The following OLFM3 variants were observed in gnomAD, a reference collection of about 807,000 sequenced individuals.
OLFM3 encodes noelin-3.
OLFM3 carries 20 observed loss-of-function variants against 48.6 expected under a neutral mutation model. The observed-to-expected ratio is 0.41, with a 90% CI of 0.29 to 0.60. The LOEUF is 0.60. Among genes scored for constraint, OLFM3 ranks in the 20% least tolerant of loss-of-function variants. The pLI, the probability that OLFM3 is intolerant of heterozygous loss-of-function variation, is 0.28. For synonymous variants in OLFM3, 222 were observed against 198.1 expected, an observed-to-expected ratio of 1.12 and a Z score of -1.01; for missense variants, 437 against 544.3, an observed-to-expected ratio of 0.80 and a Z score of 1.96.
At position 101,928,585 on chromosome 1, in the gene OLFM3, A is replaced by T. The variant is rs543992283; in HGVS notation, c.69+68163T>A. Reference sequence around the variant, plus strand: ...TTGAGAAAACTCATTAAGTCTTAGAATTTCACTCATTCCTGGTGAACAAAA... The same window carrying T: ...TTGAGAAAACTCATTAAGTCTTAGATTTTCACTCATTCCTGGTGAACAAAA... On this transcript the variant is annotated intron_variant, in intron 1 of 5. Coordinates refer to ENST00000370103, the MANE Select transcript of OLFM3 (RefSeq NM_058170.4). 8.1e-4 allele frequency among the ~76,000 whole-genome samples: 124 copies of T among 152,216 alleles called. 1 individual carries two copies. The highest frequency in any genetic ancestry group is 3.5e-3 in the South Asian group (17 of 4,820).
intron 1 of OLFM3, among the ~76,000 whole-genome samples, chr1:101,838,474 C>T (rs1466553541): frequency 1.3e-5 from 2 of 152,142 alleles, no homozygotes; most frequent in African/African-American, 4.8e-5. Context: ...CATCAATAGA[C>T]TTCCAAATAA....
At chr1:101,869,407 G>A (rs1019534045) in intron 1 of OLFM3, among the ~76,000 whole-genome samples, 2 of 152,128 alleles carry the variant, frequency 1.3e-5, no homozygotes, top group Non-Finnish European at 2.9e-5. Flanking sequence ...TTTGGAATGA[G>A]AGTATTTACC....
intron 4 of OLFM3, among the ~76,000 whole-genome samples, chr1:101,817,132 A>T (rs1016883758): frequency 2.0e-5 from 3 of 152,100 alleles, no homozygotes; most frequent in African/African-American, 7.2e-5. Flanking sequence ...GCTTCCTCAC[A>T]CTAGCCTTTG....
At chr1:101,808,122 A>G (rs1354170248) in intron 4 of OLFM3, among the ~76,000 whole-genome samples, 1 of 106,078 alleles carries the variant, frequency 9.4e-6, no homozygotes, top group African/African-American at 3.4e-5. Context: ...TTTTCCCCTA[A>G]AAACGTCATA....
At chr1:101,979,629 G>A (rs1661050428) in intron 1 of OLFM3, among the ~76,000 whole-genome samples, 2 of 152,202 alleles carry the variant, frequency 1.3e-5, no homozygotes, top group African/African-American at 4.8e-5. Context: ...GTATGGAAAT[G>A]CCTGGATGTC....
intron 1 of OLFM3, among the ~76,000 whole-genome samples, chr1:101,933,552 C>T (rs142767120): frequency 5.9e-5 from 9 of 152,100 alleles, no homozygotes; most frequent in African/African-American, 1.9e-4. Flanking sequence ...ATAATATTGT[C>T]CATGAAAATG....
chr1:101,828,066 G>GTCTCTGTCTCTCTC (rs1654968114), intron 3 of OLFM3, among the ~76,000 whole-genome samples: 8 of 141,898 alleles, frequency 5.6e-5, no homozygotes, highest in Non-Finnish European at 4.6e-5. Flanking sequence ...CTCTCTCTCT[G>GTCTCTGTCTCTCTC]TCTCTCTCTC....
At chr1:101,969,295 T>G (rs1660709934) in intron 1 of OLFM3, among the ~76,000 whole-genome samples, 2 of 149,512 alleles carry the variant, frequency 1.3e-5, no homozygotes. Context: ...GCTACAGGCA[T>G]GCAACACCAC....
intron 3 of OLFM3, among the ~76,000 whole-genome samples, chr1:101,829,598 C>T: frequency 6.6e-6 from 1 of 152,222 alleles, no homozygotes; most frequent in East Asian, 1.9e-4. Context: ...ATGTTCCTCA[C>T]TAGCTCCCCA....
intron 1 of OLFM3, among the ~76,000 whole-genome samples, chr1:101,876,211 A>T (rs971421076): frequency 1.3e-5 from 2 of 152,000 alleles, no homozygotes; most frequent in Non-Finnish European, 2.9e-5. Context: ...ATATCTTCCC[A>T]CAACTCTCTT....
intron 1 of OLFM3, among the ~76,000 whole-genome samples, chr1:101,917,463 C>A (rs61808283): frequency 3.0e-4 from 45 of 151,524 alleles, no homozygotes; most frequent in African/African-American, 9.7e-4. Flanking sequence ...GTTGCCCAGG[C>A]GGAAGTGCAG....
rs538349956 is a variant in OLFM3 at position 101,836,858 on chromosome 1, T to C, written c.216+21A>G. On this transcript the variant is annotated intron_variant, in intron 2 of 5. Transcript: ENST00000370103. The stretch of plus-strand genomic sequence containing the variant: ...TGGTCGATTTTACTAAAAATATGCA[T>C]AGGGGACACAGGACACCTACCTTTT... 27 of 1,612,076 alleles carry C rather than the reference T, an allele frequency of 1.7e-5. No individual in the cohort carries two copies. The South Asian group carries it at 2.7e-4, about 16-fold the overall frequency.
chr1:101,996,384 ATG>A (rs767618774), intron 1 of OLFM3, among the ~76,000 whole-genome samples: 7 of 152,166 alleles, frequency 4.6e-5, no homozygotes, highest in Admixed American at 6.5e-5. Context: ...GTCCTAATAC[ATG>A]TTTATAAATT....
intron 1 of OLFM3, among the ~76,000 whole-genome samples, chr1:101,909,513 C>T (rs1049012337): frequency 2.6e-5 from 4 of 152,090 alleles, no homozygotes; most frequent in African/African-American, 9.7e-5. Flanking sequence ...TTTTAAAAAC[C>T]GTCTATGAAC....
chr1:101,986,260 G>A (rs1190883139), intron 1 of OLFM3, among the ~76,000 whole-genome samples: 4 of 151,970 alleles, frequency 2.6e-5, no homozygotes, highest in African/African-American at 7.3e-5. Context: ...CACTGAGCCC[G>A]GCCTGAACTA....
At chr1:101,844,661 C>CAGG (rs2100938622) in intron 1 of OLFM3, among the ~76,000 whole-genome samples, 1 of 152,268 alleles carries the variant, frequency 6.6e-6, no homozygotes, top group Non-Finnish European at 1.5e-5. Flanking sequence ...TTGACTGAGA[C>CAGG]AAGCAGTTGA....
At position 101,911,795 on chromosome 1, in the gene OLFM3, T is replaced by C. The variant is rs374570921; in HGVS notation, c.70-74770A>G. Among the ~76,000 whole-genome samples the C allele has an allele frequency of 1.0e-3, 153 of 152,350 alleles. 1 individual carries two copies. Among genetic ancestry groups the C allele is most frequent in the African/African-American group, 3.6e-3 (150 of 41,596 alleles). ...TTTGTAAATTGAAGAAGGAAGATTA[T>C]TAATTTGAATACAGGCATTTATATG... On this transcript the variant is annotated intron_variant, in intron 1 of 5. Transcript: ENST00000370103.
intron 1 of OLFM3, among the ~76,000 whole-genome samples, chr1:101,937,479 G>A (rs181070095): frequency 2.0e-5 from 3 of 152,240 alleles, no homozygotes; most frequent in East Asian, 1.9e-4. Flanking sequence ...GAATCATGGC[G>A]GCCGGTCTTT....
At chr1:101,945,189 A>G (rs1361845224) in intron 1 of OLFM3, among the ~76,000 whole-genome samples, 2 of 152,236 alleles carry the variant, frequency 1.3e-5, no homozygotes, top group Admixed American at 6.5e-5. Context: ...TGAAAGTCCA[A>G]TACAAAAGAC....
Sources: gnomAD v4.1 joint callset for allele counts (sites outside exome capture counted in the v4.1 genomes callset) on GRCh38, gnomAD v4.1.1 for gene constraint, MANE v1.5 for transcripts, NCBI Gene and HGNC (gene_info 2026-07-23, HGNC 2026-07-21) for gene names.